The following GAL3ST2 variants were observed in gnomAD, a reference collection of about 807,000 sequenced individuals.
GAL3ST2 encodes the protein beta-galactose-3-O-sulfotransferase 2.
GAL3ST2 carries 16 observed loss-of-function variants against 12.9 expected under a neutral mutation model. The observed-to-expected ratio is 1.24, with a 90% CI of 0.84 to 1.88. GAL3ST2 has a LOEUF of 1.88. GAL3ST2 is among the 40% of genes most tolerant of loss of function. GAL3ST2 has a pLI of 0.00. For missense variants in GAL3ST2, 639 were observed against 571.8 expected, an observed-to-expected ratio of 1.12 and a Z score of -1.20; for synonymous variants, 302 against 273.9, an observed-to-expected ratio of 1.10 and a Z score of -1.01.
chr2:241,804,103 C>A lies in GAL3ST2; in HGVS notation c.1134C>A (p.Ala378=). Residue 378 remains alanine, a synonymous_variant, in exon 4 of 4, where the codon GCC becomes GCA. Coordinates refer to ENST00000192314, the MANE Select transcript of GAL3ST2 (RefSeq NM_022134.3). ...RLVMPELQYM[A]RLYALQFPEK... ...TGATGCCTGAGCTCCAGTACATGGC[C>A]CGCCTGTACGCCCTGCAGTTCCCGG... 1 of 1,525,322 alleles carries A rather than the reference C, an allele frequency of 6.6e-7. No individual in the cohort carries two copies. Among genetic ancestry groups the A allele is most frequent in the Non-Finnish European group, 8.8e-7 (1 of 1,136,044 alleles). 94.5% of individuals were successfully genotyped at this position (1,525,322 alleles called of 1,614,324 possible).
chr2:241,778,902 C>CT (rs1264210030), intron 1 of GAL3ST2, among the ~76,000 whole-genome samples: 20 of 152,120 alleles, frequency 1.3e-4, no homozygotes. Flanking sequence ...TTTTGAGTTT[C>CT]TGATGAGCCT....
rs542342954 is a variant in GAL3ST2, at chr2:241,793,005, G to A, written c.30-6060G>A. Among the ~76,000 whole-genome samples the A allele has an allele frequency of 1.3e-5, 2 of 152,136 alleles. No homozygotes were observed. Among genetic ancestry groups the A allele is most frequent in the South Asian group, 2.1e-4 (1 of 4,822 alleles). On this transcript the variant is annotated intron_variant, in intron 1 of 3. Transcript: ENST00000192314. The surrounding 1 kb of genome is among the most constrained non-coding windows in gnomAD (Gnocchi z 4.7). ...CTTGGAGTCTTCCTGCCTTTGCTTC[G>A]AGCCATCCTGCCTCTCCAGACCGAA...
intron 1 of GAL3ST2, among the ~76,000 whole-genome samples, chr2:241,779,934 C>T (rs868046996): frequency 2.5e-4 from 37 of 150,620 alleles, no homozygotes; most frequent in Non-Finnish European, 4.7e-4. Flanking sequence ...TGCGGTGAGC[C>T]GAGATCGTGC....
chr2:241,790,131 T>G (rs1467778432), intron 1 of GAL3ST2, among the ~76,000 whole-genome samples: 10 of 152,170 alleles, frequency 6.6e-5, no homozygotes, highest in Admixed American at 6.5e-4. Context: ...TTTGTTGTCT[T>G]GTTTTGGTCC....
rs1238938326 is a variant in GAL3ST2 at position 241,795,152 on chromosome 2, G to C, written c.30-3913G>C. ...CCCCACGGTGCTCTGGGTCGGTCACGGGCACCTGTGGCTGGGCTCACCTCC... is the reference window on the plus strand; with the variant it reads ...CCCCACGGTGCTCTGGGTCGGTCACCGGCACCTGTGGCTGGGCTCACCTCC... On this transcript the variant is annotated intron_variant, in intron 1 of 3. Transcript: ENST00000192314. This position sits in a 1 kb window ranked among gnomAD's most constrained non-coding sequence, Gnocchi z 4.5. 2.6e-5 allele frequency among the ~76,000 whole-genome samples: 4 copies of C among 152,010 alleles called. No homozygotes were observed. The highest frequency in any genetic ancestry group is 5.9e-5 in the Non-Finnish European group (4 of 68,008).
rs183550150 is a variant in GAL3ST2, at chr2:241,778,300, C to T, written c.29+1316C>T. ...CAAAGGGGACGGTAGTGTGTGGTGC[C>T]ACTGGCACCCACCTGGGTGATTCAA... On this transcript the variant is annotated intron_variant, in intron 1 of 3. Transcript: ENST00000192314. Among the ~76,000 whole-genome samples, 29 of 152,338 alleles carry T rather than the reference C, an allele frequency of 1.9e-4. No individual in the cohort carries two copies. The East Asian group carries it at 4.6e-3, about 24-fold the overall frequency.
chr2:241,800,210 T>C lies in GAL3ST2; in HGVS notation c.119+1056T>C, dbSNP rs550020591. 1.8e-3 allele frequency among the ~76,000 whole-genome samples: 271 copies of C among 151,830 alleles called. 1 individual carries two copies. The highest frequency in any genetic ancestry group is 6.3e-3 in the African/African-American group (262 of 41,346). On this transcript the variant is annotated intron_variant, in intron 2 of 3. Coordinates refer to ENST00000192314, the MANE Select transcript of GAL3ST2 (RefSeq NM_022134.3). The surrounding 1 kb of genome is among the most constrained non-coding windows in gnomAD (Gnocchi z 5.2). ...GATGGGTCTGGTGGGGGTTCCAGGG[T>C]TGGGGGTGTCAACTGAAGAATCATG...
In GAL3ST2 at chr2:241,801,537, T is replaced by G. The variant is rs1288728882; in HGVS notation, c.120-244T>G. The G allele has an allele frequency of 3.5e-6, 2 of 566,810 alleles. No individual in the cohort carries two copies. Among genetic ancestry groups the G allele is most frequent in the Non-Finnish European group, 6.2e-6 (2 of 322,408 alleles). 35.1% of individuals were successfully genotyped at this position (566,810 alleles called of 1,614,324 possible). Reference sequence around the variant, plus strand: ...TTTTTAGTTCTCGGGGGCACAGGGTTGGGGGAGCATGGTTACGGGAGACAG... The same window carrying G: ...TTTTTAGTTCTCGGGGGCACAGGGTGGGGGGAGCATGGTTACGGGAGACAG... On this transcript the variant is annotated intron_variant, in intron 2 of 3. Transcript: ENST00000192314. The surrounding 1 kb of genome is among the most constrained non-coding windows in gnomAD (Gnocchi z 4.4).
intron 1 of GAL3ST2, 138 bp downstream of exon 1, chr2:241,777,122 C>G (rs1699498187): frequency 1.3e-6 from 1 of 751,968 alleles, no homozygotes; most frequent in African/African-American, 1.8e-5. Context: ...TCAGGCTTCC[C>G]TGAATTCACC....
Position 241,803,437 on chromosome 2 carries a change from C to T in GAL3ST2, c.468C>T (p.Thr156=). The change falls in exon 4 of 4, where the codon ACC becomes ACT. Residue 156 remains threonine, a synonymous_variant. Transcript: ENST00000192314. ...AGTCCTCCTTCATCTACTACAAAAC[C>T]TACGCCCCCGCCTTCCGGGGCGCCC... The part of the protein sequence containing the change: ...QLESSFIYYK[T]YAPAFRGAPS... The T allele has an allele frequency of 1.2e-6, 2 of 1,612,396 alleles. No individual in the cohort carries two copies. Among genetic ancestry groups the T allele is most frequent in the Middle Eastern group, 1.6e-4 (1 of 6,062 alleles).
chr2:241,780,259 A>G (rs1699550321), intron 1 of GAL3ST2, among the ~76,000 whole-genome samples: 1 of 152,156 alleles, frequency 6.6e-6, no homozygotes, highest in Admixed American at 6.6e-5. Flanking sequence ...GGTGGCTCAC[A>G]TCTGTAATCC....
In GAL3ST2 at chr2:241,803,682, G is replaced by A. The variant is rs1183000359; in HGVS notation, c.713G>A (p.Arg238Gln). The A allele has an allele frequency of 1.3e-6, 2 of 1,546,580 alleles. No homozygotes were observed. The highest frequency in any genetic ancestry group is 1.7e-6 in the Non-Finnish European group (2 of 1,144,962). Residue 238 changes from arginine (R) to glutamine (Q), a missense_variant, in exon 4 of 4, where the codon CGG (arginine) becomes CAG (glutamine). Arg to Gln is a conservative substitution (Grantham distance 43, BLOSUM62 1). Transcript: ENST00000192314. The part of the protein sequence containing the change: ...EHLDESLVLL[R>Q]RRLRWALDDV... ...CTGGACGAGTCCCTGGTGCTGCTGC[G>A]GCGCCGGCTGCGCTGGGCGCTGGAC...
In GAL3ST2 at chr2:241,798,390, C is replaced by G. The variant is rs35421234; in HGVS notation, c.30-675C>G. Among the ~76,000 whole-genome samples, 500 of 152,344 alleles carry G rather than the reference C, an allele frequency of 3.3e-3. 1 individual carries two copies. The highest frequency in any genetic ancestry group is 0.011 in the African/African-American group (477 of 41,590). ...GGCATGCGATCTCGAGCCAGCATGG[C>G]GGGTTCCTGGGGAGGGCCCTCCTCC... On this transcript the variant is annotated intron_variant, in intron 1 of 3. Transcript: ENST00000192314.
chr2:241,779,213 CATTTTTTTTTTTTTTTT>C, intron 1 of GAL3ST2, among the ~76,000 whole-genome samples: 1 of 97,146 alleles, frequency 1.0e-5, no homozygotes, highest in Non-Finnish European at 2.0e-5. Context: ...TAGGAAAGCT[CATTTTTTTTTTTTTTTT>C]TTTTTTTTTT....
rs1005577738 is a variant in GAL3ST2, at chr2:241,802,821, C to G, written c.376-524C>G. Among the ~76,000 whole-genome samples the G allele has an allele frequency of 1.3e-5, 2 of 152,108 alleles. No individual in the cohort carries two copies. The highest frequency in any genetic ancestry group is 1.5e-5 in the Non-Finnish European group (1 of 68,002). ...ATCCTCCAGGACCTCTGAGGGGGCA[C>G]AAGCGAGGGTGAGTCCAGACCCACC... is the stretch of plus-strand genomic sequence containing the variant. On this transcript the variant is annotated intron_variant, in intron 3 of 3. Transcript: ENST00000192314. The surrounding 1 kb of genome is among the most constrained non-coding windows in gnomAD (Gnocchi z 4.8).
intron 1 of GAL3ST2, among the ~76,000 whole-genome samples, chr2:241,782,655 C>T (rs543579477): frequency 1.3e-5 from 2 of 152,194 alleles, no homozygotes; most frequent in South Asian, 4.2e-4. Flanking sequence ...TAATTTCTGA[C>T]TCTGTGTTTC....
At chr2:241,777,397 C>T (rs982249526) in intron 1 of GAL3ST2, among the ~76,000 whole-genome samples, 1 of 152,168 alleles carries the variant, frequency 6.6e-6, no homozygotes, top group Non-Finnish European at 1.5e-5. Context: ...GTTGGTCATG[C>T]GTGCGCTTCA....
At position 241,802,077 on chromosome 2, in the gene GAL3ST2, T is replaced by A; in HGVS notation, c.375+41T>A. On this transcript the variant is annotated intron_variant, in intron 3 of 3. Transcript: ENST00000192314. This position sits in a 1 kb window ranked among gnomAD's most constrained non-coding sequence, Gnocchi z 4.8. ...TGGGGAGGAGGGCGGGCTGCAGCCG[T>A]GCCTGTGGCTGTGGGTCTGGGTGGT... 2 of 1,561,016 alleles carry A rather than the reference T, an allele frequency of 1.3e-6. No homozygotes were observed. Among genetic ancestry groups the A allele is most frequent in the Non-Finnish European group, 1.7e-6 (2 of 1,153,118 alleles).
Position 241,793,136 on chromosome 2 carries a change from G to A in GAL3ST2, c.30-5929G>A, listed in dbSNP as rs1699719424. Among the ~76,000 whole-genome samples, 4 of 152,250 alleles carry A rather than the reference G, an allele frequency of 2.6e-5. No homozygotes were observed. Among genetic ancestry groups the A allele is most frequent in the Non-Finnish European group, 5.9e-5 (4 of 68,042 alleles). On this transcript the variant is annotated intron_variant, in intron 1 of 3. Transcript: ENST00000192314. This position sits in a 1 kb window ranked among gnomAD's most constrained non-coding sequence, Gnocchi z 4.7. ...TGGGCACACGTCATCAGGACCTCCTGAGGCTGGGTCATGGGTGCGCGTCCT... is the reference window on the plus strand; with the variant it reads ...TGGGCACACGTCATCAGGACCTCCTAAGGCTGGGTCATGGGTGCGCGTCCT...
Sources: gnomAD v4.1 joint callset for allele counts (sites outside exome capture counted in the v4.1 genomes callset) on GRCh38, gnomAD v4.1.1 for gene constraint, Gnocchi (gnomAD v3.1) non-coding constraint, MANE v1.5 for transcripts, NCBI Gene and HGNC (gene_info 2026-07-23, HGNC 2026-07-21) for gene names.